PPP2R3A: variants seen among roughly 807,000 people sequenced by gnomAD.
PPP2R3A encodes the protein protein phosphatase 2 regulatory subunit B''alpha, also known as serine/threonine-protein phosphatase 2A regulatory subunit B'' subunit alpha.
Under a neutral mutation model 106.9 loss-of-function variants are expected in PPP2R3A, and 80 were observed. The observed-to-expected ratio is 0.75, with a 90% confidence interval of 0.62 to 0.90. The LOEUF (loss-of-function observed/expected upper bound fraction) is 0.90, where lower values mean the gene tolerates loss of function less well. Among genes scored for constraint, PPP2R3A ranks in the 40% least tolerant of loss-of-function variants. The pLI, the probability that PPP2R3A is intolerant of heterozygous loss-of-function variation, is 0.00. For missense variants in PPP2R3A, 1,386 were observed against 1,350.4 expected (o/e 1.03, Z -0.41); for synonymous variants, 483 against 468.3 (o/e 1.03, Z -0.41).
chr3:136,065,633 ACAG>A (rs1936241806), intron 5 of PPP2R3A, among the ~76,000 whole-genome samples: 1 of 152,234 alleles, frequency 6.6e-6, no homozygotes, highest in African/African-American at 2.4e-5. Context: ...ACAAAAACCA[ACAG>A]CTGACTAATT....
intron 12 of PPP2R3A, among the ~76,000 whole-genome samples, chr3:136,105,949 G>A (rs1026702439): frequency 2.0e-5 from 3 of 151,604 alleles, no homozygotes; most frequent in Non-Finnish European, 4.4e-5. Flanking sequence ...GACAGAGTGA[G>A]ATTCTATCTC....
chr3:136,141,848 C>A (rs1336540072), intron 13 of PPP2R3A, among the ~76,000 whole-genome samples: 1 of 152,106 alleles, frequency 6.6e-6, no homozygotes, highest in Non-Finnish European at 1.5e-5. Flanking sequence ...GAGGAAGAGG[C>A]AGGGTTGTAT....
chr3:135,975,720 A>G (rs1024557798), intron 1 of PPP2R3A, among the ~76,000 whole-genome samples: 3 of 152,202 alleles, frequency 2.0e-5, no homozygotes, highest in African/African-American at 7.2e-5. Context: ...GTGAATGTTT[A>G]TATTGCATAG....
At chr3:136,066,080 A>C (rs1336277357) in intron 5 of PPP2R3A, among the ~76,000 whole-genome samples, 1 of 152,204 alleles carries the variant, frequency 6.6e-6, no homozygotes, top group African/African-American at 2.4e-5. Context: ...ATAGGACCCA[A>C]ATTGACTCCA....
intron 1 of PPP2R3A, among the ~76,000 whole-genome samples, chr3:135,993,522 C>A (rs1576418061): frequency 6.6e-6 from 1 of 152,160 alleles, no homozygotes; most frequent in South Asian, 2.1e-4. Context: ...TATCATGATG[C>A]AGTAATTCCA....
intron 1 of PPP2R3A, among the ~76,000 whole-genome samples, chr3:135,979,496 T>C (rs1251547378): frequency 6.6e-6 from 1 of 151,910 alleles, no homozygotes; most frequent in Non-Finnish European, 1.5e-5. Flanking sequence ...TTGGCCAGCC[T>C]GGAAAAGACA....
intron 13 of PPP2R3A, among the ~76,000 whole-genome samples, chr3:136,141,003 C>G (rs893471399): frequency 3.9e-5 from 6 of 152,228 alleles, no homozygotes; most frequent in Admixed American, 1.3e-4. Context: ...CATTGTTTCA[C>G]AAGAGCATTA....
At chr3:136,052,237 T>C (rs1459222929) in intron 5 of PPP2R3A, among the ~76,000 whole-genome samples, 4 of 152,214 alleles carry the variant, frequency 2.6e-5, no homozygotes, top group Non-Finnish European at 4.4e-5. Flanking sequence ...AGTGCGTCTT[T>C]GGGGCTCTCT....
intron 5 of PPP2R3A, chr3:136,055,113 T>A (rs1321537620): frequency 1.2e-5 from 7 of 596,398 alleles, no homozygotes; most frequent in Non-Finnish European, 1.1e-5. Context: ...TGACTTTGCT[T>A]GCTACAAGGC....
chr3:135,990,688 A>G lies in PPP2R3A; in HGVS notation c.-440-10371A>G, dbSNP rs77824290. ...AAGTCTTACGTTAGATCCCGCTCAC[A>G]GTTTTGTGATCATGATTAGTCAACT... On this transcript the variant is annotated intron_variant, in intron 1 of 13. Transcript: ENST00000264977. Among the ~76,000 whole-genome samples, 847 of 152,260 alleles carry G rather than the reference A, an allele frequency of 5.6e-3. 3 individuals are homozygous for G. The highest frequency in any genetic ancestry group is 9.6e-3 in the Non-Finnish European group (656 of 68,002).
chr3:136,137,248 A>T (rs1271212757), intron 13 of PPP2R3A, among the ~76,000 whole-genome samples: 21 of 152,184 alleles, frequency 1.4e-4, no homozygotes, highest in Non-Finnish European at 2.2e-4. Context: ...CTTTTCTGCC[A>T]ATTTGACTAA....
In PPP2R3A at chr3:135,977,688, C is replaced by CTT. The variant is rs66592538; in HGVS notation, c.-441+11866_-441+11867dup. Reference sequence around the variant, plus strand: ...AAGTTGCATTCATCTGATCAGCATTCTTTTTTTTTTTTTTTTTTTTTTTTT... The same window carrying CTT: ...AAGTTGCATTCATCTGATCAGCATTCTTTTTTTTTTTTTTTTTTTTTTTTTTT... On this transcript the variant is annotated intron_variant, in intron 1 of 13. Coordinates refer to ENST00000264977, the MANE Select transcript of PPP2R3A (RefSeq NM_002718.5). 7.2e-3 allele frequency among the ~76,000 whole-genome samples: 439 copies of CTT among 61,144 alleles called. 65 individuals carry two copies. Among genetic ancestry groups the CTT allele is most frequent in the Middle Eastern group, 0.013 (1 of 80 alleles). The allele number at this position is 61,144 out of a possible 152,430, so 40.1% of individuals were successfully genotyped here.
chr3:136,078,333 T>G (rs1257985240), intron 6 of PPP2R3A, 34 bp from the exon 7 acceptor site: 1 of 1,439,104 alleles, frequency 6.9e-7, no homozygotes, highest in Admixed American at 1.7e-5. Flanking sequence ...ATCTTTAATG[T>G]TTTTATTTGG....
At chr3:136,040,125 A>G (rs1226812630) in intron 3 of PPP2R3A, among the ~76,000 whole-genome samples, 1 of 152,174 alleles carries the variant, frequency 6.6e-6, no homozygotes, top group Non-Finnish European at 1.5e-5. Context: ...AAGGAGAGAG[A>G]AGGAGATAGG....
At chr3:136,085,035 G>T (rs1428584715) in intron 8 of PPP2R3A, among the ~76,000 whole-genome samples, 3 of 152,156 alleles carry the variant, frequency 2.0e-5, no homozygotes, top group Non-Finnish European at 4.4e-5. Context: ...TAAGACTTTG[G>T]GGGGACTGTT....
In PPP2R3A at chr3:136,082,373, C is replaced by T; in HGVS notation, c.2740C>T (p.His914Tyr). ...TAAATTCTGGGAACTAGATACTGATCACGACCTCTACATCAGCCAGGCCGA... is the reference window on the plus strand; with the variant it reads ...TAAATTCTGGGAACTAGATACTGATTACGACCTCTACATCAGCCAGGCCGA... Reference protein sequence around the residue: ...YCKFWELDTDHDLYISQADLS... With the variant: ...YCKFWELDTDYDLYISQADLS... The change falls in exon 8 of 14, where the codon CAC (histidine) becomes TAC (tyrosine). Residue 914 changes from histidine to tyrosine, a missense_variant. Transcript: ENST00000264977. 1.2e-6 allele frequency: 2 copies of T among 1,613,624 alleles called. No homozygotes were observed. The highest frequency in any genetic ancestry group is 1.1e-5 in the South Asian group (1 of 91,080).
At chr3:136,031,812 G>A (rs114106186) in intron 3 of PPP2R3A, among the ~76,000 whole-genome samples, 1 of 152,164 alleles carries the variant, frequency 6.6e-6, no homozygotes, top group Non-Finnish European at 1.5e-5. Context: ...TCAGTTGGCT[G>A]TAAGTATTGG....
chr3:136,144,019 T>C (rs1197802384), intron 13 of PPP2R3A, among the ~76,000 whole-genome samples: 3 of 152,230 alleles, frequency 2.0e-5, no homozygotes, highest in African/African-American at 7.2e-5. Flanking sequence ...TTTTCTGATG[T>C]ACATATCTAC....
At chr3:136,036,199 T>A (rs2107838214) in intron 3 of PPP2R3A, among the ~76,000 whole-genome samples, 1 of 152,328 alleles carries the variant, frequency 6.6e-6, no homozygotes, top group South Asian at 2.1e-4. Context: ...ATAACTAACC[T>A]TCTGAATTCT....
Sources: allele counts gnomAD v4.1 joint callset (sites outside exome capture counted in the v4.1 genomes callset), GRCh38; gene constraint gnomAD v4.1.1; transcripts MANE v1.5; gene names NCBI Gene and HGNC (gene_info 2026-07-23, HGNC 2026-07-21).